Variants in GRM8 observed in about 807,000 individuals in gnomAD.
The protein encoded by GRM8 is glutamate metabotropic receptor 8, also known as metabotropic glutamate receptor 8.
In GRM8, 47 loss-of-function variants were observed where a neutral mutation model predicts 87.2. That is an observed-to-expected ratio of 0.54 (90% CI 0.43 to 0.69). GRM8 has a LOEUF of 0.69. Ranked by LOEUF, GRM8 falls within the 30% of genes least tolerant of loss-of-function variation. GRM8 has a pLI of 0.00. For synonymous variants in GRM8, 396 were observed against 404.5 expected (o/e 0.98, Z 0.25); for missense variants, 1,019 against 1,139.2 (o/e 0.89, Z 1.52).
At chr7:126,707,805 C>T (rs1169739707) in intron 7 of GRM8, among the ~76,000 whole-genome samples, 4 of 151,920 alleles carry the variant, frequency 2.6e-5, no homozygotes, top group Non-Finnish European at 5.9e-5. Context: ...AGGAAAAAAA[C>T]ATGGAGAAAA....
rs1563300331 is a variant in GRM8, at chr7:126,903,646, G to GGTATATGTGTATATATAT, written c.1018+308_1018+325dup. ...ATATATGTATATGTGTATATATATA[G>GGTATATGTGTATATATAT]GTATATGTGTATATATATATGTATA... On this transcript the variant is annotated intron_variant, in intron 5 of 10. Transcript: ENST00000339582. Among the ~76,000 whole-genome samples the GGTATATGTGTATATATAT allele has an allele frequency of 8.3e-3, 664 of 80,006 alleles. 64 individuals are homozygous for GGTATATGTGTATATATAT. The highest frequency in any genetic ancestry group is 0.024 in the African/African-American group (483 of 19,954). The allele number at this position is 80,006 out of a possible 152,430, so 52.5% of individuals were successfully genotyped here.
intron 7 of GRM8, among the ~76,000 whole-genome samples, chr7:126,709,029 C>G (rs939802584): frequency 6.6e-6 from 1 of 151,862 alleles, no homozygotes; most frequent in Non-Finnish European, 1.5e-5. Flanking sequence ...TTTAACCATT[C>G]CATGATGTAT....
chr7:126,465,177 T>A (rs1402549534), intron 9 of GRM8: 1 of 151,776 alleles, frequency 6.6e-6, no homozygotes, highest in Non-Finnish European at 1.5e-5. Context: ...GGGCTATTTT[T>A]CCATCCTTGT....
At chr7:126,537,089 T>G (rs1367564762) in intron 8 of GRM8, among the ~76,000 whole-genome samples, 1 of 152,170 alleles carries the variant, frequency 6.6e-6, no homozygotes, top group Non-Finnish European at 1.5e-5. Flanking sequence ...TTTAATGTTT[T>G]GAACCAATGA....
At chr7:126,955,680 T>G (rs1808602603) in intron 3 of GRM8, among the ~76,000 whole-genome samples, 1 of 152,172 alleles carries the variant, frequency 6.6e-6, no homozygotes, top group South Asian at 2.1e-4. Flanking sequence ...AAATCTATCT[T>G]CCTGTTAACA....
chr7:126,596,234 C>T lies in GRM8; in HGVS notation c.1494+13128G>A, dbSNP rs6960260. ...TTAAGTTCTTTGAGAAATCTCCAAA[C>T]TGATTTCCACAATGGCTAAACTAAT... is the stretch of plus-strand genomic sequence containing the variant. On this transcript the variant is annotated intron_variant, in intron 8 of 10. Transcript: ENST00000339582. Among the ~76,000 whole-genome samples, 881 of 152,282 alleles carry T rather than the reference C, an allele frequency of 5.8e-3. 6 individuals are homozygous for T. The highest frequency in any genetic ancestry group is 0.02 in the African/African-American group (847 of 41,558).
At chr7:127,051,703 A>G (rs910721010) in intron 3 of GRM8, among the ~76,000 whole-genome samples, 1 of 147,328 alleles carries the variant, frequency 6.8e-6, no homozygotes, top group African/African-American at 2.5e-5. Context: ...AGTTCCATGT[A>G]TCAACACAGA....
intron 2 of GRM8, among the ~76,000 whole-genome samples, chr7:127,149,569 C>G (rs1828735120): frequency 6.6e-6 from 1 of 151,944 alleles, no homozygotes; most frequent in Non-Finnish European, 1.5e-5. Flanking sequence ...GGGCATATAC[C>G]CAAGGGAAAT....
chr7:126,505,591 T>C (rs991816159), intron 9 of GRM8, among the ~76,000 whole-genome samples: 2 of 151,920 alleles, frequency 1.3e-5, no homozygotes, highest in African/African-American at 4.8e-5. Context: ...ACAAGGAAAA[T>C]TGAGGTAAAC....
intron 2 of GRM8, among the ~76,000 whole-genome samples, chr7:127,185,904 T>C (rs1329748807): frequency 6.6e-6 from 1 of 152,228 alleles, no homozygotes; most frequent in African/African-American, 2.4e-5. Context: ...TCTCATTAAG[T>C]ATGCATTACT....
chr7:126,983,299 T>C (rs1035052709), intron 3 of GRM8, among the ~76,000 whole-genome samples: 1 of 151,906 alleles, frequency 6.6e-6, no homozygotes, highest in East Asian at 1.9e-4. Context: ...AGCATCTGGA[T>C]TGAAAGGATA....
At chr7:127,097,576 T>C (rs1730331181) in intron 3 of GRM8, among the ~76,000 whole-genome samples, 1 of 152,206 alleles carries the variant, frequency 6.6e-6, no homozygotes, top group Non-Finnish European at 1.5e-5. Flanking sequence ...AATATACAGC[T>C]TTGTTATGCC....
Position 126,579,856 on chromosome 7 carries a change from G to T in GRM8, c.1494+29506C>A, listed in dbSNP as rs886354723. Among the ~76,000 whole-genome samples, 5 of 152,042 alleles carry T rather than the reference G, an allele frequency of 3.3e-5. No individual in the cohort carries two copies. In the East Asian group the frequency reaches 9.7e-4, roughly 29 times the overall value. ...TCTGTTAATCAATGTTATAGAAAAG[G>T]TTACTAAGTAAATTTTGAAATGATA... is the stretch of plus-strand genomic sequence containing the variant. On this transcript the variant is annotated intron_variant, in intron 8 of 10. Transcript: ENST00000339582.
intron 3 of GRM8, among the ~76,000 whole-genome samples, chr7:126,934,777 G>A (rs1806124627): frequency 6.6e-6 from 1 of 152,150 alleles, no homozygotes. Context: ...TAATTTCTTT[G>A]ACTAAGATAG....
At chr7:126,819,803 G>A (rs1426470341) in intron 6 of GRM8, among the ~76,000 whole-genome samples, 1 of 151,738 alleles carries the variant, frequency 6.6e-6, no homozygotes, top group Non-Finnish European at 1.5e-5. Context: ...ATCATGTTGG[G>A]GAATGGAAAA....
At chr7:126,688,738 T>TCA (rs1563093472) in intron 7 of GRM8, among the ~76,000 whole-genome samples, 6 of 101,066 alleles carry the variant, frequency 5.9e-5, no homozygotes, top group African/African-American at 2.9e-4. Flanking sequence ...TCTCTCTTTC[T>TCA]GACACACACA....
intron 6 of GRM8, among the ~76,000 whole-genome samples, chr7:126,775,073 C>T (rs2299517): frequency 0.36 from 55,172 of 151,926 alleles, 11,537 homozygotes; most frequent in Non-Finnish European, 0.47. Flanking sequence ...ACCATCTCAG[C>T]TTGGAGTATA....
At chr7:126,488,328 G>A (rs1201476316) in intron 9 of GRM8, among the ~76,000 whole-genome samples, 1 of 151,470 alleles carries the variant, frequency 6.6e-6, no homozygotes, top group Non-Finnish European at 1.5e-5. Flanking sequence ...CAGTGAAAAA[G>A]ACAAATGATG....
At chr7:126,583,206 A>G (rs1259044510) in intron 8 of GRM8, among the ~76,000 whole-genome samples, 1 of 151,968 alleles carries the variant, frequency 6.6e-6, no homozygotes, top group Non-Finnish European at 1.5e-5. Context: ...AAATACAAAA[A>G]TTAGCTGAGT....
Sources: gnomAD v4.1 joint callset for allele counts (sites outside exome capture counted in the v4.1 genomes callset) on GRCh38, gnomAD v4.1.1 for gene constraint, MANE v1.5 for transcripts, NCBI Gene and HGNC (gene_info 2026-07-23, HGNC 2026-07-21) for gene names.